The following CHST11 variants were observed in gnomAD, a reference collection of about 807,000 sequenced individuals.
The protein encoded by CHST11 is carbohydrate sulfotransferase 11.
In CHST11, 9 loss-of-function variants were observed where a neutral mutation model predicts 30.4. The ratio of observed to expected loss-of-function variants is 0.30; its 90% CI spans 0.18 to 0.52. The LOEUF (loss-of-function observed/expected upper bound fraction) is 0.52, where lower values mean the gene tolerates loss of function less well. CHST11 is among the 20% of genes least tolerant of loss of function. CHST11 has a pLI of 0.97. For missense variants in CHST11, 348 were observed against 460.6 expected, an observed-to-expected ratio of 0.76 and a Z score of 2.24; for synonymous variants, 152 against 187.8, an observed-to-expected ratio of 0.81 and a Z score of 1.56.
chr12:104,475,911 A>ATATG (rs149050840), intron 1 of CHST11, among the ~76,000 whole-genome samples: 9 of 143,154 alleles, frequency 6.3e-5, no homozygotes, highest in Admixed American at 3.6e-4. Flanking sequence ...ATATATATAT[A>ATATG]TGACTTTTTT....
rs145163215 is a variant in CHST11 at position 104,526,856 on chromosome 12, G to A, written c.118+69327G>A. ...ACAGGGGATGGCAGGGATTTGCGGT[G>A]AATAATAAGGGGTTGAGTCTTGAGC... On this transcript the variant is annotated intron_variant, in intron 1 of 2. Transcript: ENST00000303694. Among the ~76,000 whole-genome samples the A allele has an allele frequency of 3.9e-5, 6 of 152,294 alleles. No homozygotes were observed. In the East Asian group the frequency reaches 9.7e-4, roughly 25 times the overall value.
At chr12:104,520,796 TA>T (rs2135987903) in intron 1 of CHST11, among the ~76,000 whole-genome samples, 1 of 152,298 alleles carries the variant, frequency 6.6e-6, no homozygotes, top group South Asian at 2.1e-4. Context: ...CCTTTGCTTG[TA>T]TCTGCTCAGG....
intron 1 of CHST11, among the ~76,000 whole-genome samples, chr12:104,595,475 C>T (rs2038899224): frequency 6.6e-6 from 1 of 152,164 alleles, no homozygotes; most frequent in African/African-American, 2.4e-5. Flanking sequence ...CTTGTTTAAC[C>T]CATGGTTCTA....
At chr12:104,528,055 G>A (rs2038146029) in intron 1 of CHST11, among the ~76,000 whole-genome samples, 1 of 152,174 alleles carries the variant, frequency 6.6e-6, no homozygotes, top group African/African-American at 2.4e-5. Flanking sequence ...AGATTTGGGT[G>A]GGGACACAGA....
intron 1 of CHST11, among the ~76,000 whole-genome samples, chr12:104,569,771 C>T (rs958885144): frequency 1.3e-5 from 2 of 152,186 alleles, no homozygotes; most frequent in Admixed American, 1.3e-4. Flanking sequence ...GATGTTGGTG[C>T]AGGTGGTATT....
At position 104,753,831 on chromosome 12, in the gene CHST11, C is replaced by T. The variant is rs533149740; in HGVS notation, c.205-3118C>T. On this transcript the variant is annotated intron_variant, in intron 2 of 2. Coordinates refer to ENST00000303694, the MANE Select transcript of CHST11 (RefSeq NM_018413.6). ...GGAAAGGAAGAAATAATACTGATTG[C>T]GTATCTACTGTGTTCAGGCCACGGA... 1.2e-4 allele frequency among the ~76,000 whole-genome samples: 19 copies of T among 152,266 alleles called. No individual in the cohort carries two copies. In the South Asian group the frequency reaches 3.1e-3, roughly 25 times the overall value.
Position 104,752,495 on chromosome 12 carries a change from A to AATTT in CHST11, c.205-4448_205-4445dup, listed in dbSNP as rs946160230. Among the ~76,000 whole-genome samples, 4 of 142,556 alleles carry AATTT rather than the reference A, an allele frequency of 2.8e-5. No homozygotes were observed. The South Asian group carries it at 6.6e-4, about 24-fold the overall frequency. The allele number at this position is 142,556 out of a possible 152,430, so 93.5% of individuals were successfully genotyped here. On this transcript the variant is annotated intron_variant, in intron 2 of 2. Coordinates refer to ENST00000303694, the MANE Select transcript of CHST11 (RefSeq NM_018413.6). ...TATGATAATCAACAAACAATTGGGA[A>AATTT]ATTTATTTACTTATTTATTTATTTA...
At chr12:104,469,928 T>A (rs1375220905) in intron 1 of CHST11, among the ~76,000 whole-genome samples, 1 of 152,238 alleles carries the variant, frequency 6.6e-6, no homozygotes, top group African/African-American at 2.4e-5. Flanking sequence ...AAAGTTTCTA[T>A]CTTTTTAAGC....
intron 2 of CHST11, among the ~76,000 whole-genome samples, chr12:104,611,043 T>C (rs1459783855): frequency 6.6e-6 from 1 of 152,052 alleles, no homozygotes. Context: ...CCCTCCAAGC[T>C]CCGGTGAAAT....
chr12:104,688,061 G>C (rs923702350), intron 2 of CHST11, among the ~76,000 whole-genome samples: 12 of 152,152 alleles, frequency 7.9e-5, no homozygotes, highest in African/African-American at 2.9e-4. Context: ...CTGATTCTTA[G>C]AAAACGCAAA....
chr12:104,481,523 A>G (rs559176657), intron 1 of CHST11, among the ~76,000 whole-genome samples: 370 of 152,334 alleles, frequency 2.4e-3, no homozygotes, highest in Admixed American at 4.4e-3. Context: ...ACCTGGGTGC[A>G]GTCACCTGAG....
At chr12:104,537,824 T>C (rs1044330079) in intron 1 of CHST11, among the ~76,000 whole-genome samples, 1 of 150,902 alleles carries the variant, frequency 6.6e-6, no homozygotes, top group Non-Finnish European at 1.5e-5. Context: ...GCCTCCTGAA[T>C]GACCGGGACC....
intron 1 of CHST11, among the ~76,000 whole-genome samples, chr12:104,549,485 G>C (rs756034520): frequency 2.0e-5 from 3 of 152,182 alleles, no homozygotes; most frequent in Non-Finnish European, 4.4e-5. Context: ...ATGTCCTGTT[G>C]TCAGTTTCTT....
intron 1 of CHST11, among the ~76,000 whole-genome samples, chr12:104,587,822 A>G (rs1280611237): frequency 8.3e-6 from 1 of 120,970 alleles, no homozygotes; most frequent in African/African-American, 3.3e-5. Context: ...TTCGTTAGAG[A>G]TTAAGTTTGT....
intron 1 of CHST11, among the ~76,000 whole-genome samples, chr12:104,533,639 G>A (rs17035740): frequency 0.038 from 5,777 of 152,244 alleles, 385 homozygotes; most frequent in African/African-American, 0.13. Flanking sequence ...GATTCTCCGC[G>A]TGATAATGAT....
intron 2 of CHST11, among the ~76,000 whole-genome samples, chr12:104,663,111 C>T (rs533205614): frequency 3.6e-4 from 55 of 152,282 alleles, no homozygotes; most frequent in African/African-American, 1.3e-3. Context: ...AGGGAGCACC[C>T]GGGAGGATCC....
chr12:104,591,114 C>T (rs1285529357), intron 1 of CHST11, among the ~76,000 whole-genome samples: 1 of 151,720 alleles, frequency 6.6e-6, no homozygotes. Flanking sequence ...TGCAAAGGCC[C>T]TGAGGCTCAT....
chr12:104,479,677 G>T (rs1366589812), intron 1 of CHST11, among the ~76,000 whole-genome samples: 3 of 152,200 alleles, frequency 2.0e-5, no homozygotes, highest in African/African-American at 4.8e-5. Context: ...GCACTCTTAG[G>T]TAGTAGGTAG....
chr12:104,546,323 C>G (rs2038348435), intron 1 of CHST11, among the ~76,000 whole-genome samples: 1 of 147,024 alleles, frequency 6.8e-6, no homozygotes. Context: ...AAAAAATTAG[C>G]CAAGCATGGT....
Sources: allele counts gnomAD v4.1 joint callset (sites outside exome capture counted in the v4.1 genomes callset), GRCh38; gene constraint gnomAD v4.1.1; transcripts MANE v1.5; gene names NCBI Gene and HGNC (gene_info 2026-07-23, HGNC 2026-07-21).